KCNU1: variants seen among roughly 807,000 people sequenced by gnomAD.
KCNU1 encodes the protein potassium channel subfamily U member 1.
Under a neutral mutation model 126.8 loss-of-function variants are expected in KCNU1, and 93 were observed. The observed-to-expected ratio is 0.73, with a 90% CI of 0.62 to 0.87. The LOEUF (loss-of-function observed/expected upper bound fraction) is 0.87, where lower values mean the gene tolerates loss of function less well. Ranked by LOEUF, KCNU1 falls within the 40% of genes least tolerant of loss-of-function variation. The pLI is 0.00. For synonymous variants in KCNU1, 523 were observed against 494.2 expected (o/e 1.06, Z -0.77); for missense variants, 1,330 against 1,367.1 (o/e 0.97, Z 0.43).
intron 23 of KCNU1, 46 bp from the exon 24 acceptor site, chr8:36,922,444 C>T: frequency 6.3e-7 from 1 of 1,587,740 alleles, no homozygotes; most frequent in Non-Finnish European, 8.6e-7. Flanking sequence ...TTCTTATATT[C>T]TTAACCTGAT....
intron 1 of KCNU1, among the ~76,000 whole-genome samples, chr8:36,785,948 A>G (rs1802697249): frequency 1.3e-5 from 2 of 152,286 alleles, no homozygotes; most frequent in South Asian, 2.1e-4. Flanking sequence ...ATGTTACAAA[A>G]TGTTAAGAAG....
chr8:36,814,871 A>G (rs1030213080), intron 8 of KCNU1, among the ~76,000 whole-genome samples: 2 of 152,178 alleles, frequency 1.3e-5, no homozygotes, highest in African/African-American at 4.8e-5. Context: ...TCAATTCCTT[A>G]AAAACCACAA....
intron 19 of KCNU1, among the ~76,000 whole-genome samples, chr8:36,879,425 T>C (rs185794799): frequency 9.6e-4 from 146 of 151,806 alleles, no homozygotes; most frequent in Middle Eastern, 3.4e-3. Context: ...GCAAGAAAAA[T>C]TAGCTATCAA....
At position 36,815,685 on chromosome 8, in the gene KCNU1, GAAGT is replaced by G. The variant is rs1383152154; in HGVS notation, c.995+4_995+7del. On this transcript the variant is annotated splice_donor_variant and coding_sequence_variant, in exon 9 of 27. Transcript: ENST00000399881. LOFTEE classifies it high-confidence loss of function. ...GTTCCTATGAAGCACTCAAAGGAAAGAAGTAAGTAGTGTTTTAAGTATAATTTCT... is the reference window on the plus strand; with the variant it reads ...GTTCCTATGAAGCACTCAAAGGAAAGAAGTAGTGTTTTAAGTATAATTTCT... 1.7e-5 allele frequency: 26 copies of G among 1,506,190 alleles called. No individual in the cohort carries two copies. The highest frequency in any genetic ancestry group is 1.3e-4 in the Admixed American group (7 of 53,724). 93.3% of individuals were successfully genotyped at this position (1,506,190 alleles called of 1,614,324 possible). A position where few individuals can be genotyped will look rare whatever the true frequency, so the allele number is the denominator to read the frequency against.
chr8:36,892,629 C>A (rs990908209), intron 19 of KCNU1, among the ~76,000 whole-genome samples: 1 of 151,912 alleles, frequency 6.6e-6, no homozygotes, highest in Non-Finnish European at 1.5e-5. Context: ...TGTATATTGA[C>A]ACTTAAATCT....
chr8:36,816,137 A>T (rs549593996), intron 9 of KCNU1, among the ~76,000 whole-genome samples: 5 of 152,166 alleles, frequency 3.3e-5, no homozygotes, highest in Non-Finnish European at 7.3e-5. Context: ...AAGCTCCCCT[A>T]AACCATCGGG....
intron 16 of KCNU1, among the ~76,000 whole-genome samples, chr8:36,841,960 A>G (rs1215627758): frequency 6.6e-6 from 1 of 151,346 alleles, no homozygotes; most frequent in Non-Finnish European, 1.5e-5. Flanking sequence ...ATACTATAAT[A>G]TAGAGAAAAA....
Position 36,867,136 on chromosome 8 carries a change from T to C in KCNU1, c.2009+2615T>C, listed in dbSNP as rs141614260. Among the ~76,000 whole-genome samples the C allele has an allele frequency of 5.3e-4, 80 of 152,252 alleles. 1 individual carries two copies. The East Asian group carries it at 0.014, about 27-fold the overall frequency. On this transcript the variant is annotated intron_variant, in intron 19 of 26. Transcript: ENST00000399881. ...TAAACACATAATAAAAGCCAATCAG[T>C]TAATCAATCAGAAGCCAAATAAAGT...
intron 19 of KCNU1, among the ~76,000 whole-genome samples, chr8:36,869,782 T>C (rs1806036045): frequency 6.6e-6 from 1 of 152,124 alleles, no homozygotes; most frequent in Non-Finnish European, 1.5e-5. Context: ...AAGTGAAAAA[T>C]GTTTCATGCT....
intron 10 of KCNU1, among the ~76,000 whole-genome samples, chr8:36,828,731 C>T (rs1804416536): frequency 6.6e-6 from 1 of 152,056 alleles, no homozygotes; most frequent in African/African-American, 2.4e-5. Flanking sequence ...CTGGTGGACA[C>T]ATGAAATAGT....
At chr8:36,818,838 A>T (rs1009174484) in intron 10 of KCNU1, among the ~76,000 whole-genome samples, 1 of 152,206 alleles carries the variant, frequency 6.6e-6, no homozygotes, top group Admixed American at 6.5e-5. Flanking sequence ...GAAGCACTCT[A>T]TGATGTTACT....
intron 2 of KCNU1, among the ~76,000 whole-genome samples, chr8:36,791,165 T>C (rs1802888450): frequency 6.6e-6 from 1 of 152,178 alleles, no homozygotes; most frequent in Non-Finnish European, 1.5e-5. Context: ...ATCAACTCTG[T>C]AGCATCTATG....
chr8:36,830,742 T>C (rs1804506750), intron 10 of KCNU1, among the ~76,000 whole-genome samples: 1 of 151,330 alleles, frequency 6.6e-6, no homozygotes. Flanking sequence ...TTGAGAGATT[T>C]TTTTCTTTTT....
intron 22 of KCNU1, among the ~76,000 whole-genome samples, chr8:36,912,274 C>T (rs548382061): frequency 6.6e-6 from 1 of 152,338 alleles, no homozygotes; most frequent in African/African-American, 2.4e-5. Flanking sequence ...CTCCTAGACA[C>T]TGTTGCTATG....
intron 19 of KCNU1, among the ~76,000 whole-genome samples, chr8:36,899,393 A>G (rs1421856001): frequency 1.3e-5 from 2 of 152,058 alleles, no homozygotes; most frequent in African/African-American, 4.8e-5. Flanking sequence ...GGCAAACAGA[A>G]CACTCTGCTC....
chr8:36,834,503 A>T (rs1468737217), intron 11 of KCNU1, among the ~76,000 whole-genome samples: 2 of 152,200 alleles, frequency 1.3e-5, no homozygotes, highest in African/African-American at 2.4e-5. Context: ...ATGGTGATGG[A>T]TGGTAGGAAA....
intron 19 of KCNU1, among the ~76,000 whole-genome samples, chr8:36,879,203 G>A (rs941402901): frequency 0.014 from 893 of 61,694 alleles, 17 homozygotes; most frequent in African/African-American, 0.045. Context: ...GTGTGTGTGT[G>A]TGTGTGTGTA....
intron 1 of KCNU1, among the ~76,000 whole-genome samples, chr8:36,784,889 A>T (rs574007204): frequency 6.6e-6 from 1 of 152,328 alleles, no homozygotes; most frequent in South Asian, 2.1e-4. Context: ...TGTTCTGAAA[A>T]AAAGTTCATA....
intron 24 of KCNU1, among the ~76,000 whole-genome samples, chr8:36,928,030 C>A (rs1221249657): frequency 9.1e-6 from 1 of 109,870 alleles, no homozygotes; most frequent in Non-Finnish European, 1.8e-5. Flanking sequence ...GAGGGAGGGA[C>A]GGAGGGAGGG....
Sources: allele counts gnomAD v4.1 joint callset (sites outside exome capture counted in the v4.1 genomes callset), GRCh38; gene constraint gnomAD v4.1.1; transcripts MANE v1.5; gene names NCBI Gene and HGNC (gene_info 2026-07-23, HGNC 2026-07-21).